PIP: variants seen among roughly 807,000 people sequenced by gnomAD.
PIP encodes the protein prolactin-inducible protein.
Under a neutral mutation model 12.8 loss-of-function variants are expected in PIP, and 9 were observed. The observed-to-expected ratio is 0.70, with a 90% CI of 0.42 to 1.23. PIP has a LOEUF of 1.23. Among genes scored for constraint, PIP ranks in the 50% most tolerant of loss-of-function variants. PIP has a pLI of 0.00. For missense variants in PIP, 172 were observed against 179.5 expected, an observed-to-expected ratio of 0.96 and a Z score of 0.24; for synonymous variants, 60 against 66.1, an observed-to-expected ratio of 0.91 and a Z score of 0.45.
chr7:143,139,371 C>G (rs1169843176), intron 3 of PIP, 147 bp from the exon 4 acceptor site: 10 of 980,090 alleles, frequency 1.0e-5, no homozygotes, highest in Non-Finnish European at 1.6e-5. Flanking sequence ...AAGACAGAGG[C>G]ATTGAGTGCA....
intron 2 of PIP, 52 bp from the exon 3 acceptor site, chr7:143,139,023 A>G: frequency 1.1e-6 from 1 of 932,292 alleles, no homozygotes. Context: ...TCCCTCCCTT[A>G]CCCATTCCCC....
chr7:143,135,034 A>G (rs994566776), intron 1 of PIP, among the ~76,000 whole-genome samples, 160 bp from the exon 2 acceptor site: 2 of 152,082 alleles, frequency 1.3e-5, no homozygotes, highest in Admixed American at 1.3e-4. Flanking sequence ...TCCAATCAAC[A>G]CATGAAAATT....
At chr7:143,132,257 G>T in intron 1 of PIP, 46 bp downstream of exon 1, 1 of 1,602,268 alleles carries the variant, frequency 6.2e-7, no homozygotes, top group Non-Finnish European at 8.5e-7. Flanking sequence ...TGCAGGGAGG[G>T]CTCCTCTCCC....
At chr7:143,135,442 A>C in intron 2 of PIP, 143 bp downstream of exon 2, 3 of 467,388 alleles carry the variant, frequency 6.4e-6, no homozygotes. Flanking sequence ...ACTCAGAACA[A>C]CTGTGGGAGC....
intron 2 of PIP, among the ~76,000 whole-genome samples, chr7:143,137,955 C>T (rs1799327802): frequency 6.6e-6 from 1 of 151,264 alleles, no homozygotes; most frequent in Non-Finnish European, 1.5e-5. Context: ...CAAAGAAACG[C>T]CAGGATTCTC....
chr7:143,133,859 T>C (rs895406838), intron 1 of PIP, among the ~76,000 whole-genome samples: 2 of 151,616 alleles, frequency 1.3e-5, no homozygotes, highest in African/African-American at 4.8e-5. Flanking sequence ...GGGGTACAAG[T>C]GGTATTTGGT....
intron 1 of PIP, among the ~76,000 whole-genome samples, chr7:143,132,755 T>C (rs10243752): frequency 0.075 from 11,392 of 152,118 alleles, 609 homozygotes; most frequent in African/African-American, 0.14. Context: ...TGCTCTCACG[T>C]ATACTGGGAC....
In PIP at chr7:143,139,216, G is replaced by A. The variant is rs199736958; in HGVS notation, c.316+27G>A. 1,112 of 1,279,296 alleles carry A rather than the reference G, an allele frequency of 8.7e-4. 7 individuals are homozygous for A. The highest frequency in any genetic ancestry group is 1.2e-3 in the Non-Finnish European group (1,016 of 873,926). 79.2% of individuals were successfully genotyped at this position (1,279,296 alleles called of 1,614,324 possible). On this transcript the variant is annotated intron_variant, in intron 3 of 3. Transcript: ENST00000291009. ...TAAGTACAGAAGTTGTCCAAGGAGG[G>A]AACTACCCACCAGCCACCAGGGAGG...
rs1799341324 is a variant in PIP at position 143,139,189 on chromosome 7, A to G, written c.316A>G (p.Arg106Gly). The change falls in exon 3 of 4, where the codon AGA becomes GGA. Residue 106 changes from arginine (R) to glycine (G), a missense_variant and splice_region_variant. Coordinates refer to ENST00000291009, the MANE Select transcript of PIP (RefSeq NM_002652.3). ...CTTCTACTGGGACTTTTACACCAAC[A>G]GTAAGTACAGAAGTTGTCCAAGGAG... is the stretch of plus-strand genomic sequence containing the variant. Reference protein sequence around the residue: ...KTFYWDFYTNRTVQIAAVVDV... With the variant: ...KTFYWDFYTNGTVQIAAVVDV... The G allele has an allele frequency of 6.6e-7, 1 of 1,511,322 alleles. No individual in the cohort carries two copies. Among genetic ancestry groups the G allele is most frequent in the East Asian group, 2.2e-5 (1 of 44,504 alleles). 93.6% of individuals were successfully genotyped at this position (1,511,322 alleles called of 1,614,324 possible).
intron 2 of PIP, among the ~76,000 whole-genome samples, chr7:143,136,976 ATATAT>A (rs1229167089): frequency 3.3e-5 from 5 of 151,586 alleles, no homozygotes; most frequent in Non-Finnish European, 5.9e-5. Flanking sequence ...TTTTATTAAA[ATATAT>A]TTATATAACT....
chr7:143,133,656 TC>T (rs1271468801), intron 1 of PIP, among the ~76,000 whole-genome samples: 3 of 152,106 alleles, frequency 2.0e-5, no homozygotes, highest in Middle Eastern at 3.4e-3. Flanking sequence ...TAGAGTAGTA[TC>T]TAAAGTTCCC....
At chr7:143,135,363 T>A in intron 2 of PIP, 64 bp downstream of exon 2, 1 of 748,028 alleles carries the variant, frequency 1.3e-6, no homozygotes, top group South Asian at 1.5e-5. Context: ...TAAACATAAT[T>A]TAATCTCTCA....
At position 143,135,265 on chromosome 7, in the gene PIP, T is replaced by C. The variant is rs1454177584; in HGVS notation, c.167T>C (p.Leu56Pro). Residue 56 changes from leucine (L) to proline (P), a missense_variant, in exon 2 of 4, where the codon CTT (leucine) becomes CCT (proline). Coordinates refer to ENST00000291009, the MANE Select transcript of PIP (RefSeq NM_002652.3). The part of the protein sequence containing the change: ...VRPNDEVTAV[L>P]AVQTELKECM... ...CCAAATGACGAAGTCACTGCAGTGC[T>C]TGCAGTTCAAACAGAATTGAAAGAA... is the stretch of plus-strand genomic sequence containing the variant. 3 of 1,597,558 alleles carry C rather than the reference T, an allele frequency of 1.9e-6. No homozygotes were observed. The South Asian group carries it at 3.3e-5, about 18-fold the overall frequency.
chr7:143,135,571 T>C (rs537533096), intron 2 of PIP, among the ~76,000 whole-genome samples: 19 of 151,806 alleles, frequency 1.3e-4, no homozygotes, highest in Non-Finnish European at 2.1e-4. Flanking sequence ...AAGAAAAAAG[T>C]GTAAGAGCTA....
intron 2 of PIP, among the ~76,000 whole-genome samples, chr7:143,136,188 G>C (rs531194209): frequency 6.6e-6 from 1 of 152,078 alleles, no homozygotes; most frequent in East Asian, 1.9e-4. Flanking sequence ...ATTGATCTCA[G>C]ATGTCACAAG....
chr7:143,136,844 A>C (rs1799315141), intron 2 of PIP, among the ~76,000 whole-genome samples: 1 of 152,030 alleles, frequency 6.6e-6, no homozygotes, highest in African/African-American at 2.4e-5. Flanking sequence ...AAAGAATAAG[A>C]AATCTTTAGA....
intron 2 of PIP, among the ~76,000 whole-genome samples, chr7:143,137,513 G>A (rs1444226891): frequency 1.3e-5 from 2 of 152,112 alleles, no homozygotes; most frequent in South Asian, 2.1e-4. Flanking sequence ...CACGTCCCAC[G>A]TGCCATGCTA....
At chr7:143,132,649 G>C (rs958301342) in intron 1 of PIP, among the ~76,000 whole-genome samples, 1 of 152,120 alleles carries the variant, frequency 6.6e-6, no homozygotes, top group African/African-American at 2.4e-5. Flanking sequence ...AAGGACCAGA[G>C]GCCCTGGCCA....
At chr7:143,139,365 C>T (rs777503583) in intron 3 of PIP, among the ~76,000 whole-genome samples, 153 bp from the exon 4 acceptor site, 21 of 151,958 alleles carry the variant, frequency 1.4e-4, no homozygotes, top group Non-Finnish European at 2.4e-4. Context: ...GGTTCTAAGA[C>T]AGAGGCATTG....
Sources: allele counts gnomAD v4.1 joint callset (sites outside exome capture counted in the v4.1 genomes callset), GRCh38; gene constraint gnomAD v4.1.1; transcripts MANE v1.5; gene names NCBI Gene and HGNC (gene_info 2026-07-23, HGNC 2026-07-21).